The following MDN1 variants were observed in gnomAD, a reference collection of about 807,000 sequenced individuals.
The protein encoded by MDN1 is midasin.
MDN1 carries 266 observed loss-of-function variants against 669.2 expected under a neutral mutation model. The observed-to-expected ratio is 0.40, with a 90% CI of 0.36 to 0.44. MDN1 has a LOEUF of 0.44. Ranked by LOEUF, MDN1 falls within the 20% of genes least tolerant of loss-of-function variation. The pLI is 1.00. For synonymous variants in MDN1, 2,385 were observed against 2,457.1 expected, an observed-to-expected ratio of 0.97 and a Z score of 0.87; for missense variants, 5,940 against 6,754.0, an observed-to-expected ratio of 0.88 and a Z score of 4.22.
chr6:89,757,626 TAA>T (rs1817320793), intron 19 of MDN1, among the ~76,000 whole-genome samples: 1 of 152,250 alleles, frequency 6.6e-6, no homozygotes, highest in Admixed American at 6.5e-5. Flanking sequence ...AATCTATAAA[TAA>T]AGAGAATCTA....
chr6:89,731,861 C>T (rs1815627711), intron 34 of MDN1, among the ~76,000 whole-genome samples: 1 of 139,000 alleles, frequency 7.2e-6, no homozygotes, highest in Admixed American at 7.4e-5. Context: ...AGGCATGCCA[C>T]AATACCAGGC....
chr6:89,672,037 C>T (rs1224033920), intron 82 of MDN1, among the ~76,000 whole-genome samples, 163 bp downstream of exon 82: 2 of 152,210 alleles, frequency 1.3e-5, no homozygotes, highest in African/African-American at 4.8e-5. Flanking sequence ...CTCTTCAAAG[C>T]TTGTCAATGA....
intron 15 of MDN1, among the ~76,000 whole-genome samples, chr6:89,770,997 G>C (rs1343486776): frequency 2.0e-5 from 3 of 152,254 alleles, no homozygotes; most frequent in African/African-American, 7.2e-5. Context: ...TGTGGTTGGG[G>C]GGTAAGGTGC....
rs1815151525 is a variant in MDN1 at position 89,725,415 on chromosome 6, A to G, written c.5473-19T>C. On this transcript the variant is annotated intron_variant, in intron 37 of 101. Transcript: ENST00000369393. ...GGTTAAGCTATTTAAAGAAGAAAGT[A>G]CATAATTTGTCTCAAATATATTATA... The G allele has an allele frequency of 6.3e-7, 1 of 1,594,894 alleles. No homozygotes were observed. Among genetic ancestry groups the G allele is most frequent in the Non-Finnish European group, 8.6e-7 (1 of 1,162,902 alleles).
At chr6:89,696,224 C>T in intron 60 of MDN1, 136 bp downstream of exon 60, 2 of 1,094,530 alleles carry the variant, frequency 1.8e-6, no homozygotes, top group Admixed American at 2.3e-5. Flanking sequence ...TGAAAACATG[C>T]TGATTCAGGC....
chr6:89,654,106 G>C (rs981157173), intron 93 of MDN1, 58 bp downstream of exon 93: 6 of 1,583,920 alleles, frequency 3.8e-6, no homozygotes, highest in African/African-American at 2.7e-5. Context: ...TAGTGAGAGA[G>C]AACTGACTAC....
Position 89,643,310 on chromosome 6 carries a change from T to C in MDN1, c.*695A>G, listed in dbSNP as rs766883263. The C allele has an allele frequency of 1.2e-4, 19 of 152,192 alleles. No individual in the cohort carries two copies. Among genetic ancestry groups the C allele is most frequent in the Non-Finnish European group, 2.5e-4 (17 of 68,038 alleles). 9.4% of individuals were successfully genotyped at this position (152,192 alleles called of 1,614,324 possible). A position where few individuals can be genotyped will look rare whatever the true frequency, so the allele number is the denominator to read the frequency against. ...TAAAGGGGCAATCACCTTCCCATCATTGCATAGTCTCCCGAAGCAGCAAGT... is the reference window on the plus strand; with the variant it reads ...TAAAGGGGCAATCACCTTCCCATCACTGCATAGTCTCCCGAAGCAGCAAGT... On this transcript the variant is annotated 3_prime_UTR_variant, in exon 102 of 102. Coordinates refer to ENST00000369393, the MANE Select transcript of MDN1 (RefSeq NM_014611.3).
chr6:89,662,198 A>C lies in MDN1; in HGVS notation c.14454T>G (p.Ser4818Arg). 6.2e-7 allele frequency: 1 copy of C among 1,613,642 alleles called. No individual in the cohort carries two copies. Among genetic ancestry groups the C allele is most frequent in the Non-Finnish European group, 8.5e-7 (1 of 1,179,912 alleles). Residue 4818 changes from serine to arginine, a missense_variant, in exon 87 of 102, where the codon AGT (serine) becomes AGG (arginine). Physicochemically the swap from Ser to Arg is moderately radical, Grantham distance 110. Transcript: ENST00000369393. ...GGCTTTTATCTTTGTTTGAATTGCC[A>C]CTATCCAAGTTGTCATCTTTAGCAA... The part of the protein sequence containing the change: ...ELVAKDDNLD[S>R]GNSNKDKSQQ...
At chr6:89,771,998 C>A (rs1208998049) in intron 14 of MDN1, among the ~76,000 whole-genome samples, 1 of 152,156 alleles carries the variant, frequency 6.6e-6, no homozygotes, top group South Asian at 2.1e-4. Context: ...TGAGCCACTG[C>A]GCCCAGCAAT....
In MDN1 at chr6:89,673,208, C is replaced by A. The variant is rs375801042; in HGVS notation, c.13474+28G>T. ...AGACATCATTTCTACACTGGACTTT[C>A]ATTCCCTGACTGAACAATATTCCTT... On this transcript the variant is annotated intron_variant, in intron 80 of 101. Transcript: ENST00000369393. 2.1e-5 allele frequency: 33 copies of A among 1,561,902 alleles called. No individual in the cohort carries two copies. The East Asian group carries it at 7.4e-4, about 35-fold the overall frequency.
chr6:89,746,611 A>AAAAGAAAGAAAGAAAGAAAGAAAGAAAG (rs35724331), intron 27 of MDN1, among the ~76,000 whole-genome samples: 86 of 40,526 alleles, frequency 2.1e-3, no homozygotes, highest in African/African-American at 7.7e-3. Context: ...AAAAAAAAAA[A>AAAAGAAAGAAAGAAAGAAAGAAAGAAAG]AAAGAAAGAA....
chr6:89,688,659 G>T lies in MDN1; in HGVS notation c.11173C>A (p.Arg3725=), dbSNP rs141561161. The T allele has an allele frequency of 6.2e-7, 1 of 1,614,108 alleles. No individual in the cohort carries two copies. Among genetic ancestry groups the T allele is most frequent in the Non-Finnish European group, 8.5e-7 (1 of 1,180,014 alleles). ...CCTTGAAGCACAGGTTGACACTGCCGTGCTTCTGGAACATTGGGATGCTGG... is the reference window on the plus strand; with the variant it reads ...CCTTGAAGCACAGGTTGACACTGCCTTGCTTCTGGAACATTGGGATGCTGG... ...FYQHPNVPEA[R]QCQPVLQGFS... The change falls in exon 66 of 102, where the codon CGG becomes AGG. Residue 3725 remains arginine, a synonymous_variant. Transcript: ENST00000369393.
At chr6:89,782,513 G>C (rs9451273) in intron 9 of MDN1, among the ~76,000 whole-genome samples, 9 of 151,892 alleles carry the variant, frequency 5.9e-5, no homozygotes, top group Non-Finnish European at 1.0e-4. Flanking sequence ...GATCACCTAA[G>C]CCTGAGAGGT....
At chr6:89,743,106 CCAACAAAAATATCAAACACAAGG>C (rs774659851) in intron 31 of MDN1, 21 bp downstream of exon 31, 1 of 1,598,808 alleles carries the variant, frequency 6.3e-7, no homozygotes, top group Non-Finnish European at 8.5e-7. Flanking sequence ...AAAAATCACA[CCAACAAAAATATCAAACACAAGG>C]CAAACCTCTC....
intron 63 of MDN1, among the ~76,000 whole-genome samples, chr6:89,692,035 G>A (rs1812406552): frequency 1.3e-5 from 2 of 152,110 alleles, no homozygotes; most frequent in African/African-American, 4.8e-5. Flanking sequence ...TGTTAGCAGC[G>A]TTTATACAGC....
intron 26 of MDN1, among the ~76,000 whole-genome samples, chr6:89,747,847 C>A (rs994082716): frequency 3.7e-5 from 5 of 136,712 alleles, no homozygotes; most frequent in African/African-American, 5.6e-5. Context: ...GCCGAGACTG[C>A]GCCACTGCAC....
intron 20 of MDN1, among the ~76,000 whole-genome samples, chr6:89,754,734 T>C (rs890853306): frequency 6.6e-6 from 1 of 152,148 alleles, no homozygotes; most frequent in African/African-American, 2.4e-5. Context: ...GATGACAGGA[T>C]GGGAAAAGTT....
chr6:89,751,657 A>G (rs1455741907), intron 22 of MDN1, 75 bp from the exon 23 acceptor site: 11 of 1,477,488 alleles, frequency 7.4e-6, no homozygotes, highest in Non-Finnish European at 7.4e-6. Context: ...GTAGGAAAAC[A>G]GCCACTTGTT....
chr6:89,670,151 TATATA>T (rs1810567108), intron 83 of MDN1, among the ~76,000 whole-genome samples: 1 of 22,392 alleles, frequency 4.5e-5, no homozygotes, highest in African/African-American at 2.9e-4. Context: ...TATATATATA[TATATA>T]TATATATATA....
Sources: allele counts gnomAD v4.1 joint callset (sites outside exome capture counted in the v4.1 genomes callset), GRCh38; gene constraint gnomAD v4.1.1; transcripts MANE v1.5; gene names NCBI Gene and HGNC (gene_info 2026-07-23, HGNC 2026-07-21).